Variants in SLC25A36 observed in about 807,000 individuals in gnomAD.
SLC25A36 encodes the protein epididymis secretory sperm binding protein.
Under a neutral mutation model 35.3 loss-of-function variants are expected in SLC25A36, and 24 were observed. The observed-to-expected ratio is 0.68, with a 90% CI of 0.49 to 0.96. The LOEUF is 0.96. SLC25A36 is among the 40% of genes least tolerant of loss of function. SLC25A36 has a pLI of 0.00. For missense variants in SLC25A36, 294 were observed against 381.1 expected (o/e 0.77, Z 1.90); for synonymous variants, 141 against 132.2 (o/e 1.07, Z -0.46).
chr3:140,944,463 A>G (rs948217390), intron 1 of SLC25A36, among the ~76,000 whole-genome samples: 2 of 152,230 alleles, frequency 1.3e-5, no homozygotes, highest in African/African-American at 2.4e-5. Context: ...GAACGATATC[A>G]TGACAGCCTG....
At chr3:140,956,035 G>A (rs1445560601) in intron 1 of SLC25A36, among the ~76,000 whole-genome samples, 2 of 152,070 alleles carry the variant, frequency 1.3e-5, no homozygotes, top group African/African-American at 2.4e-5. Context: ...TGAATATTTG[G>A]GGATTTAAAA....
intron 1 of SLC25A36, among the ~76,000 whole-genome samples, chr3:140,952,096 A>C (rs1377893164): frequency 6.6e-6 from 1 of 150,614 alleles, no homozygotes; most frequent in Non-Finnish European, 1.5e-5. Context: ...GGCTCACTGC[A>C]ACCTCTGCCT....
At chr3:140,945,641 G>A (rs1300690399) in intron 1 of SLC25A36, among the ~76,000 whole-genome samples, 1 of 151,626 alleles carries the variant, frequency 6.6e-6, no homozygotes, top group Non-Finnish European at 1.5e-5. Context: ...TCCTGATGGT[G>A]CAAAAGCAAT....
chr3:140,955,882 A>C (rs1468930823), intron 1 of SLC25A36, among the ~76,000 whole-genome samples: 7 of 151,954 alleles, frequency 4.6e-5, no homozygotes, highest in Non-Finnish European at 7.4e-5. Flanking sequence ...TTTTTTGTAA[A>C]GTGGTGTCTG....
Position 140,976,554 on chromosome 3 carries a change from G to A in SLC25A36, c.*101G>A. ...TGGCAGACAGAAGAAAAATAGTTTG[G>A]GAACATGTAACTATTCTAAGTGGAA... On this transcript the variant is annotated 3_prime_UTR_variant, in exon 7 of 7. Transcript: ENST00000324194. 1 of 988,946 alleles carries A rather than the reference G, an allele frequency of 1.0e-6. No homozygotes were observed. The highest frequency in any genetic ancestry group is 1.4e-6 in the Non-Finnish European group (1 of 700,836). 61.3% of individuals were successfully genotyped at this position (988,946 alleles called of 1,614,324 possible).
At chr3:140,950,384 G>T (rs993916152) in intron 1 of SLC25A36, among the ~76,000 whole-genome samples, 5 of 151,830 alleles carry the variant, frequency 3.3e-5, no homozygotes, top group African/African-American at 9.7e-5. Flanking sequence ...TTTTCCTGGA[G>T]ACTTTTGTCC....
chr3:140,960,759 A>G (rs761787508), intron 3 of SLC25A36, among the ~76,000 whole-genome samples: 2 of 151,990 alleles, frequency 1.3e-5, no homozygotes, highest in Non-Finnish European at 2.9e-5. Flanking sequence ...AGGACCACAT[A>G]GTAAGACCAT....
chr3:140,961,345 A>G (rs1213217357), intron 3 of SLC25A36, among the ~76,000 whole-genome samples: 1 of 152,184 alleles, frequency 6.6e-6, no homozygotes, highest in Non-Finnish European at 1.5e-5. Context: ...TTCCATGATA[A>G]TATGTGGGGT....
intron 1 of SLC25A36, among the ~76,000 whole-genome samples, chr3:140,946,910 T>G (rs1223900725): frequency 6.6e-6 from 1 of 152,152 alleles, no homozygotes; most frequent in Non-Finnish European, 1.5e-5. Context: ...ACATAAGTGG[T>G]GCCATGAGCC....
At position 140,942,111 on chromosome 3, in the gene SLC25A36, G is replaced by C; in HGVS notation, c.41+16G>C. Reference sequence around the variant, plus strand: ...TTGCCGGAGGGTAAGGTCCTGGCGGGGCGTGCGCACTGGGGCTGAGGGTGC... The same window carrying C: ...TTGCCGGAGGGTAAGGTCCTGGCGGCGCGTGCGCACTGGGGCTGAGGGTGC... On this transcript the variant is annotated intron_variant, in intron 1 of 6. Transcript: ENST00000324194. 7.2e-7 allele frequency: 1 copy of C among 1,390,074 alleles called. No individual in the cohort carries two copies. 86.1% of individuals were successfully genotyped at this position (1,390,074 alleles called of 1,614,324 possible).
chr3:140,973,087 A>G (rs1257221891), intron 5 of SLC25A36: 1 of 147,870 alleles, frequency 6.8e-6, no homozygotes, highest in Admixed American at 6.7e-5. Context: ...AGTACTGAAT[A>G]AATATAACAC....
At chr3:140,955,061 T>A (rs1221626396) in intron 1 of SLC25A36, among the ~76,000 whole-genome samples, 1 of 152,136 alleles carries the variant, frequency 6.6e-6, no homozygotes. Flanking sequence ...TTACATATAA[T>A]GTTCTTTATT....
At chr3:140,968,542 G>A in intron 4 of SLC25A36, 1 of 951,772 alleles carries the variant, frequency 1.1e-6, no homozygotes, top group African/African-American at 1.8e-5. Flanking sequence ...CCTGTTGTTT[G>A]CTTTCTGACA....
In SLC25A36 at chr3:140,980,976, G is replaced by A. The variant is rs1184682718; in HGVS notation, c.*4523G>A. The stretch of plus-strand genomic sequence containing the variant: ...GCCTATAGATCCAATAAATACAGAG[G>A]AATATTAGTTACAACTGGAGTTTTT... On this transcript the variant is annotated 3_prime_UTR_variant, in exon 7 of 7. Coordinates refer to ENST00000324194, the MANE Select transcript of SLC25A36 (RefSeq NM_001104647.3). Among the ~76,000 whole-genome samples, 3 of 152,138 alleles carry A rather than the reference G, an allele frequency of 2.0e-5. No homozygotes were observed. The highest frequency in any genetic ancestry group is 4.8e-5 in the African/African-American group (2 of 41,430).
At chr3:140,971,986 A>G (rs570314406) in intron 5 of SLC25A36, among the ~76,000 whole-genome samples, 1 of 152,188 alleles carries the variant, frequency 6.6e-6, no homozygotes, top group Non-Finnish European at 1.5e-5. Context: ...ACTATATACT[A>G]TTTGGAAACT....
chr3:140,973,992 A>C lies in SLC25A36; in HGVS notation c.729A>C (p.Ile243=). The change falls in exon 6 of 7, where the codon ATA becomes ATC. Residue 243 remains isoleucine (I), a synonymous_variant. Transcript: ENST00000324194. ...CCTCAAAAACTTGTGCCACAACTAT[A>C]GCATATCCACATGGTAAGAAGAGTT... ...AATSKTCATT[I]AYPHEVVRTR... The C allele has an allele frequency of 6.4e-7, 1 of 1,557,032 alleles. No homozygotes were observed. Among genetic ancestry groups the C allele is most frequent in the East Asian group, 2.3e-5 (1 of 44,064 alleles).
intron 1 of SLC25A36, among the ~76,000 whole-genome samples, chr3:140,946,193 G>A (rs562594025): frequency 3.7e-4 from 56 of 152,266 alleles, no homozygotes; most frequent in Non-Finnish European, 6.2e-4. Flanking sequence ...AAAAAATGGT[G>A]CACCTTAAAG....
intron 1 of SLC25A36, chr3:140,942,348 G>A (rs1934033534): frequency 7.8e-6 from 3 of 385,272 alleles, no homozygotes; most frequent in Non-Finnish European, 1.4e-5. Flanking sequence ...GGCAAAGAGG[G>A]TTGAGGCATG....
In SLC25A36 at chr3:140,956,598, C is replaced by G; in HGVS notation, c.113C>G (p.Ser38Cys). 1 of 1,612,302 alleles carries G rather than the reference C, an allele frequency of 6.2e-7. No individual in the cohort carries two copies. Among genetic ancestry groups the G allele is most frequent in the Admixed American group, 1.7e-5 (1 of 59,812 alleles). Residue 38 changes from serine (S) to cysteine (C), a missense_variant, in exon 2 of 7, where the codon TCT (serine) becomes TGT (cysteine). By Grantham distance (112) the Ser-to-Cys change is moderately radical. This residue lies in a region of SLC25A36 where 185 missense variants were observed against 201.5 expected (regional missense o/e 0.92). Coordinates refer to ENST00000324194, the MANE Select transcript of SLC25A36 (RefSeq NM_001104647.3). ...GTAAAAACACGACTGCAGTCATCTTCTGTGACGCTTTATATTTCTGAAGTT... is the reference window on the plus strand; with the variant it reads ...GTAAAAACACGACTGCAGTCATCTTGTGTGACGCTTTATATTTCTGAAGTT... ...EVVKTRLQSS[S>C]VTLYISEVQL...
Sources: allele counts gnomAD v4.1 joint callset (sites outside exome capture counted in the v4.1 genomes callset), GRCh38; gene constraint gnomAD v4.1.1; regional missense constraint gnomAD v4.1.1; transcripts MANE v1.5; gene names NCBI Gene and HGNC (gene_info 2026-07-23, HGNC 2026-07-21).